TRAPPC9: variants seen among roughly 807,000 people sequenced by gnomAD.
TRAPPC9 encodes IKK2 binding protein.
Under a neutral mutation model 124.0 loss-of-function variants are expected in TRAPPC9, and 83 were observed. The observed-to-expected ratio is 0.67, with a 90% CI of 0.56 to 0.80. The LOEUF is 0.80. TRAPPC9 is among the 30% of genes least tolerant of loss of function. TRAPPC9 has a pLI of 0.00. For synonymous variants in TRAPPC9, 638 were observed against 617.5 expected (o/e 1.03, Z -0.49); for missense variants, 1,302 against 1,508.3 (o/e 0.86, Z 2.27).
chr8:140,261,387 C>T (rs934386324), intron 15 of TRAPPC9, among the ~76,000 whole-genome samples: 2 of 152,150 alleles, frequency 1.3e-5, no homozygotes, highest in African/African-American at 4.8e-5. Flanking sequence ...GAAATGGTAT[C>T]GGGGCTACAG....
In TRAPPC9 at chr8:140,252,865, C is replaced by A. The variant is rs748576558; in HGVS notation, c.2343G>T (p.Gln781His). ...LEETLAQFPL[Q>H]PGKVATFTIN... ...TTGTGAACGTGGCCACCTTCCCAGG[C>A]TGCAAAGGGAACTGGGCAAGGGTTT... The change falls in exon 16 of 23, where the codon CAG becomes CAT. Residue 781 changes from glutamine (Q) to histidine (H), a missense_variant. Transcript: ENST00000438773. This position sits in a 1 kb window ranked among gnomAD's most constrained non-coding sequence, Gnocchi z 4.2. 8.1e-6 allele frequency: 13 copies of A among 1,614,020 alleles called. No individual in the cohort carries two copies. In the South Asian group the frequency reaches 1.1e-4, roughly 14 times the overall value.
chr8:139,940,484 A>C (rs1030495097), intron 19 of TRAPPC9, among the ~76,000 whole-genome samples: 2 of 152,262 alleles, frequency 1.3e-5, no homozygotes, highest in African/African-American at 4.8e-5. Flanking sequence ...TTAAAAATTG[A>C]AAAGCAAATG....
chr8:140,325,355 C>G (rs938275310), intron 9 of TRAPPC9, among the ~76,000 whole-genome samples: 4 of 151,940 alleles, frequency 2.6e-5, no homozygotes, highest in African/African-American at 9.7e-5. Context: ...AAACAGGAAA[C>G]AATAAAGAAA....
At chr8:140,119,448 CCTCACCCCGTGAGTTTTGGAGAAA>C (rs2060947089) in intron 17 of TRAPPC9, among the ~76,000 whole-genome samples, 1 of 152,194 alleles carries the variant, frequency 6.6e-6, no homozygotes, top group African/African-American at 2.4e-5. Flanking sequence ...TCACTCCACG[CCTCACCCCGTGAGTTTTGGAGAAA>C]CTCACCCCGC....
intron 17 of TRAPPC9, among the ~76,000 whole-genome samples, chr8:140,061,421 C>T (rs986583779): frequency 1.3e-5 from 2 of 152,102 alleles, no homozygotes; most frequent in Non-Finnish European, 2.9e-5. Context: ...GGGATGGATA[C>T]ACAAGTCCGG....
chr8:140,181,878 A>G (rs547738845), intron 17 of TRAPPC9, among the ~76,000 whole-genome samples: 1 of 152,104 alleles, frequency 6.6e-6, no homozygotes, highest in Non-Finnish European at 1.5e-5. Flanking sequence ...CCAGAGAAGT[A>G]TCTCTATGGA....
chr8:140,046,462 T>C (rs1269021073), intron 17 of TRAPPC9, among the ~76,000 whole-genome samples: 1 of 152,218 alleles, frequency 6.6e-6, no homozygotes, highest in Non-Finnish European at 1.5e-5. Flanking sequence ...CCTTGCGCCT[T>C]CCTCCCTGTC....
chr8:139,810,728 G>A (rs566763414), intron 21 of TRAPPC9, among the ~76,000 whole-genome samples: 36 of 152,276 alleles, frequency 2.4e-4, no homozygotes, highest in African/African-American at 8.7e-4. Context: ...ATGGGGAGGG[G>A]CAGCCTCCTT....
At chr8:140,291,888 A>T (rs77712274) in intron 11 of TRAPPC9, among the ~76,000 whole-genome samples, 13,096 of 152,274 alleles carry the variant, frequency 0.086, 619 homozygotes, top group African/African-American at 0.12. Context: ...AACGGGGATC[A>T]CAGGAAATGA....
At chr8:139,998,138 C>T (rs897621391) in intron 18 of TRAPPC9, among the ~76,000 whole-genome samples, 5 of 152,154 alleles carry the variant, frequency 3.3e-5, no homozygotes, top group Middle Eastern at 3.2e-3. Context: ...TAAAAAACCA[C>T]GGAGGGCAGA....
chr8:139,966,194 G>C (rs2665933), intron 19 of TRAPPC9, among the ~76,000 whole-genome samples: 110,722 of 152,056 alleles, frequency 0.73, 41,064 homozygotes, highest in East Asian at 0.98. Flanking sequence ...GGGAGGTGGA[G>C]ATGGGGCACA....
chr8:140,421,764 C>G (rs1052723895), intron 5 of TRAPPC9, among the ~76,000 whole-genome samples: 1 of 152,140 alleles, frequency 6.6e-6, no homozygotes, highest in South Asian at 2.1e-4. Context: ...TGGAATCAAT[C>G]AAATACTGTT....
chr8:140,450,231 C>T (rs1323485526), intron 2 of TRAPPC9, among the ~76,000 whole-genome samples: 10 of 152,068 alleles, frequency 6.6e-5, no homozygotes, highest in Non-Finnish European at 1.5e-4. Context: ...CATGGTGGCA[C>T]CTGCCTGTAG....
At chr8:139,837,557 C>T (rs1328176308) in intron 21 of TRAPPC9, among the ~76,000 whole-genome samples, 4 of 152,178 alleles carry the variant, frequency 2.6e-5, no homozygotes, top group East Asian at 1.9e-4. Context: ...TGCACTGCCT[C>T]GGTCTGCTCT....
At chr8:140,447,832 A>G (rs1022047292) in intron 2 of TRAPPC9, among the ~76,000 whole-genome samples, 6 of 152,176 alleles carry the variant, frequency 3.9e-5, no homozygotes, top group Admixed American at 2.6e-4. Flanking sequence ...TTGTTCCTGC[A>G]CCAAAGCATT....
chr8:140,142,215 G>A (rs1309366478), intron 17 of TRAPPC9, among the ~76,000 whole-genome samples: 8 of 152,272 alleles, frequency 5.3e-5, no homozygotes, highest in East Asian at 1.9e-4. Flanking sequence ...TCAGACACAC[G>A]GCATCTCGTG....
intron 7 of TRAPPC9, among the ~76,000 whole-genome samples, chr8:140,384,274 T>C (rs1406462635): frequency 6.6e-6 from 1 of 151,368 alleles, no homozygotes; most frequent in Non-Finnish European, 1.5e-5. Flanking sequence ...AATAACCAGC[T>C]AACATCATAA....
At chr8:140,382,032 T>C (rs767472433) in intron 7 of TRAPPC9, among the ~76,000 whole-genome samples, 25 of 152,230 alleles carry the variant, frequency 1.6e-4, no homozygotes, top group Admixed American at 6.5e-4. Context: ...TGAGTGTTCA[T>C]TGCAGCATTA....
intron 21 of TRAPPC9, among the ~76,000 whole-genome samples, chr8:139,757,838 C>T (rs1046319118): frequency 6.6e-6 from 1 of 152,130 alleles, no homozygotes; most frequent in Non-Finnish European, 1.5e-5. Context: ...CTGGCGGGCT[C>T]GCCTCCCTGT....
Sources: gnomAD v4.1 joint callset for allele counts (sites outside exome capture counted in the v4.1 genomes callset) on GRCh38, gnomAD v4.1.1 for gene constraint, Gnocchi (gnomAD v3.1) non-coding constraint, MANE v1.5 for transcripts, NCBI Gene and HGNC (gene_info 2026-07-23, HGNC 2026-07-21) for gene names.